The following SENP6 variants were observed in gnomAD, a reference collection of about 807,000 sequenced individuals.
The protein encoded by SENP6 is sentrin-specific protease 6.
SENP6 carries 41 observed loss-of-function variants against 134.5 expected under a neutral mutation model. The ratio of observed to expected loss-of-function variants is 0.30; its 90% confidence interval spans 0.24 to 0.40. SENP6 has a LOEUF of 0.40. Among genes scored for constraint, SENP6 ranks in the 10% least tolerant of loss-of-function variants. SENP6 has a pLI of 1.00. For missense variants in SENP6, 1,248 were observed against 1,312.5 expected (o/e 0.95, Z 0.76); for synonymous variants, 395 against 429.8 (o/e 0.92, Z 1.00).
At chr6:75,675,803 C>A in intron 12 of SENP6, 57 bp from the exon 13 acceptor site, 1 of 1,395,312 alleles carries the variant, frequency 7.2e-7, no homozygotes. Flanking sequence ...CAATTTCCCC[C>A]ATTCATGATA....
chr6:75,626,122 A>AG (rs1193301948), intron 3 of SENP6, among the ~76,000 whole-genome samples: 3 of 109,698 alleles, frequency 2.7e-5, no homozygotes, highest in South Asian at 3.6e-4. Flanking sequence ...ATAGAGAGTT[A>AG]GGTTTGTTGT....
Position 75,670,690 on chromosome 6 carries a change from A to T in SENP6, c.1362A>T (p.Thr454=), listed in dbSNP as rs752917627. Residue 454 remains threonine, a synonymous_variant, in exon 11 of 24, where the codon ACA becomes ACT. Coordinates refer to ENST00000447266, the MANE Select transcript of SENP6 (RefSeq NM_015571.4). ...ACTGTCGAAGTATACGAGTAGGAAC[A>T]CTCTTCCGGCTGTTAATAGAGCCTG... The part of the protein sequence containing the change: ...ILNCRSIRVG[T]LFRLLIEPVI... 7 of 1,611,928 alleles carry T rather than the reference A, an allele frequency of 4.3e-6. No homozygotes were observed. The highest frequency in any genetic ancestry group is 5.1e-6 in the Non-Finnish European group (6 of 1,178,732).
chr6:75,659,474 T>C, intron 8 of SENP6, 67 bp downstream of exon 8: 1 of 1,389,502 alleles, frequency 7.2e-7, no homozygotes, highest in South Asian at 1.3e-5. Flanking sequence ...TTTCAGTACT[T>C]ATTAAATTCT....
chr6:75,670,418 T>C (rs1772578962), intron 10 of SENP6, 135 bp from the exon 11 acceptor site: 1 of 549,018 alleles, frequency 1.8e-6, no homozygotes, highest in Non-Finnish European at 3.1e-6. Flanking sequence ...TAATTTTATC[T>C]AACACTGTTG....
At chr6:75,659,088 C>G (rs1771576031) in intron 7 of SENP6, among the ~76,000 whole-genome samples, 174 bp from the exon 8 acceptor site, 1 of 149,826 alleles carries the variant, frequency 6.7e-6, no homozygotes, top group South Asian at 2.1e-4. Context: ...GATATTGATA[C>G]ACTTGATGAA....
At chr6:75,660,726 G>A (rs1411060984) in intron 8 of SENP6, among the ~76,000 whole-genome samples, 2 of 151,790 alleles carry the variant, frequency 1.3e-5, no homozygotes, top group South Asian at 2.1e-4. Flanking sequence ...TCCACCTCCC[G>A]GTTCAAGCAG....
intron 6 of SENP6, among the ~76,000 whole-genome samples, chr6:75,642,585 C>T (rs1000141532): frequency 2.0e-5 from 3 of 152,056 alleles, no homozygotes; most frequent in Non-Finnish European, 2.9e-5. Flanking sequence ...TGTTATGAGA[C>T]GGGTTTGGAG....
chr6:75,691,006 A>ATTTT (rs35909209), intron 16 of SENP6, among the ~76,000 whole-genome samples: 1 of 136,414 alleles, frequency 7.3e-6, no homozygotes, highest in African/African-American at 2.7e-5. Context: ...GCTCAGCCTA[A>ATTTT]TTTTTTTTTT....
At chr6:75,638,960 G>A (rs749391869) in intron 5 of SENP6, among the ~76,000 whole-genome samples, 20 of 152,036 alleles carry the variant, frequency 1.3e-4, no homozygotes, top group South Asian at 2.1e-4. Context: ...CAAGGTGGGA[G>A]AATCACCTGA....
intron 14 of SENP6, 156 bp from the exon 15 acceptor site, chr6:75,678,427 C>A: frequency 1.8e-6 from 1 of 545,802 alleles, no homozygotes. Flanking sequence ...CTAGTTTTGC[C>A]TGTTTCTTGT....
intron 3 of SENP6, among the ~76,000 whole-genome samples, chr6:75,632,001 T>G (rs1272918391): frequency 1.3e-5 from 2 of 152,274 alleles, no homozygotes; most frequent in East Asian, 1.9e-4. Context: ...ATATTTTTTG[T>G]TTTTGTTTCT....
At chr6:75,651,044 TAA>T (rs1290102599) in intron 7 of SENP6, among the ~76,000 whole-genome samples, 2 of 152,206 alleles carry the variant, frequency 1.3e-5, no homozygotes, top group East Asian at 1.9e-4. Context: ...ACTATAAAAT[TAA>T]AGTTTGTAAA....
intron 1 of SENP6, among the ~76,000 whole-genome samples, chr6:75,619,300 G>A (rs549575559): frequency 6.6e-6 from 1 of 151,784 alleles, no homozygotes; most frequent in Admixed American, 6.6e-5. Flanking sequence ...ACCTATTCTG[G>A]GTACTTCATA....
rs1237208753 is a variant in SENP6, at chr6:75,707,734, G to GTACAGCAATACAATGA, written c.2717-1779_2717-1778insGATACAGCAATACAAT. The stretch of plus-strand genomic sequence containing the variant: ...AGTCTCACTTTCATAGAAGTTAAGA[G>GTACAGCAATACAATGA]TACAGCAATACAATCACAGTTCACC... On this transcript the variant is annotated intron_variant, in intron 19 of 23. Transcript: ENST00000447266. Among the ~76,000 whole-genome samples, 4 of 152,032 alleles carry GTACAGCAATACAATGA rather than the reference G, an allele frequency of 2.6e-5. No individual in the cohort carries two copies. In the East Asian group the frequency reaches 7.7e-4, roughly 29 times the overall value.
chr6:75,642,403 T>C (rs1770098357), intron 6 of SENP6, among the ~76,000 whole-genome samples: 1 of 152,252 alleles, frequency 6.6e-6, no homozygotes, highest in Non-Finnish European at 1.5e-5. Flanking sequence ...ACTATGAAGC[T>C]AACATTTAAC....
At chr6:75,605,590 A>T (rs572706104) in intron 1 of SENP6, among the ~76,000 whole-genome samples, 1 of 152,328 alleles carries the variant, frequency 6.6e-6, no homozygotes, top group Non-Finnish European at 1.5e-5. Context: ...TAACTAAGAG[A>T]CACTTCAGAA....
Position 75,602,252 on chromosome 6 carries a change from C to T in SENP6, c.-273C>T. ...GAGAGGAACCGGGCCCGGGAAGCGCCGTCGTCGTCGTCGCCGGTCGCGTTC... is the reference window on the plus strand; with the variant it reads ...GAGAGGAACCGGGCCCGGGAAGCGCTGTCGTCGTCGTCGCCGGTCGCGTTC... On this transcript the variant is annotated 5_prime_UTR_variant, in exon 1 of 24. Transcript: ENST00000447266. 5.6e-6 allele frequency: 2 copies of T among 357,730 alleles called. No individual in the cohort carries two copies. The highest frequency in any genetic ancestry group is 4.5e-5 in the East Asian group (1 of 22,226). 22.2% of individuals were successfully genotyped at this position (357,730 alleles called of 1,614,324 possible). A position where few individuals can be genotyped will look rare whatever the true frequency, so the allele number is the denominator to read the frequency against.
At chr6:75,651,366 G>A (rs755474108) in intron 7 of SENP6, among the ~76,000 whole-genome samples, 4 of 151,918 alleles carry the variant, frequency 2.6e-5, no homozygotes, top group Admixed American at 6.6e-5. Flanking sequence ...CTTTTTGTTC[G>A]TTTTTGAGAC....
intron 14 of SENP6, chr6:75,678,091 A>G (rs573810857): frequency 6.5e-6 from 1 of 153,242 alleles, no homozygotes; most frequent in South Asian, 2.1e-4. Context: ...GGAAGAAAAG[A>G]GCAGCATAAT....
Sources: gnomAD v4.1 joint callset for allele counts (sites outside exome capture counted in the v4.1 genomes callset) on GRCh38, gnomAD v4.1.1 for gene constraint, MANE v1.5 for transcripts, NCBI Gene and HGNC (gene_info 2026-07-23, HGNC 2026-07-21) for gene names.